PDGFD: variants seen among roughly 807,000 people sequenced by gnomAD.
PDGFD encodes the protein platelet-derived growth factor D.
PDGFD carries 30 observed loss-of-function variants against 44.7 expected under a neutral mutation model. The observed-to-expected ratio is 0.67, with a 90% CI of 0.50 to 0.91. PDGFD has a LOEUF of 0.91. Ranked by LOEUF, PDGFD falls within the 40% of genes least tolerant of loss-of-function variation. PDGFD has a pLI of 0.00. For missense variants in PDGFD, 445 were observed against 457.8 expected (o/e 0.97, Z 0.25); for synonymous variants, 173 against 168.4 (o/e 1.03, Z -0.21).
At chr11:103,937,827 G>C (rs567775194) in intron 5 of PDGFD, among the ~76,000 whole-genome samples, 2 of 151,180 alleles carry the variant, frequency 1.3e-5, no homozygotes, top group South Asian at 4.2e-4. Context: ...CCTTGTGATA[G>C]TTTGCTGAGA....
chr11:104,056,615 G>A (rs1465016674), intron 1 of PDGFD, among the ~76,000 whole-genome samples: 1 of 152,004 alleles, frequency 6.6e-6, no homozygotes, highest in Non-Finnish European at 1.5e-5. Context: ...CTGGGAGAGA[G>A]GCAAGGAACA....
At chr11:104,020,830 T>C (rs1423555622) in intron 1 of PDGFD, among the ~76,000 whole-genome samples, 1 of 152,156 alleles carries the variant, frequency 6.6e-6, no homozygotes, top group East Asian at 1.9e-4. Flanking sequence ...ATTCATTATG[T>C]TTTAACTTCA....
At chr11:103,999,359 A>G (rs550843440) in intron 2 of PDGFD, among the ~76,000 whole-genome samples, 6 of 152,362 alleles carry the variant, frequency 3.9e-5, no homozygotes, top group Admixed American at 1.3e-4. Context: ...TAATTAAGCG[A>G]GTAAAATGCT....
chr11:103,943,938 A>G (rs1347620162), intron 4 of PDGFD, among the ~76,000 whole-genome samples: 1 of 152,152 alleles, frequency 6.6e-6, no homozygotes, highest in Non-Finnish European at 1.5e-5. Flanking sequence ...CGAGATAGAA[A>G]TATATAAAAT....
intron 1 of PDGFD, among the ~76,000 whole-genome samples, chr11:104,161,030 C>T (rs931639951): frequency 6.6e-6 from 1 of 152,136 alleles, no homozygotes; most frequent in African/African-American, 2.4e-5. Flanking sequence ...AACAGGACAC[C>T]CGGCTTTTTT....
chr11:104,032,834 G>A (rs1317527025), intron 1 of PDGFD, among the ~76,000 whole-genome samples: 1 of 151,804 alleles, frequency 6.6e-6, no homozygotes, highest in East Asian at 1.9e-4. Flanking sequence ...TGGAGACTCT[G>A]CAGGAATCTC....
rs1555055570 is a variant in PDGFD, at chr11:104,119,535, T to TTCATA, written c.124+44268_124+44269insTATGA. On this transcript the variant is annotated intron_variant, in intron 1 of 6. Coordinates refer to ENST00000393158, the MANE Select transcript of PDGFD (RefSeq NM_025208.5). ...ATATTAATATAATATATTGATATAA[T>TTCATA]ATATAATATAATATATTGATATAAT... is the stretch of plus-strand genomic sequence containing the variant. Among the ~76,000 whole-genome samples the TTCATA allele has an allele frequency of 5.5e-5, 3 of 54,272 alleles. 1 individual carries two copies. Among genetic ancestry groups the TTCATA allele is most frequent in the African/African-American group, 2.6e-4 (3 of 11,446 alleles). 35.6% of individuals were successfully genotyped at this position (54,272 alleles called of 152,430 possible). A position where few individuals can be genotyped will look rare whatever the true frequency, so the allele number is the denominator to read the frequency against.
chr11:103,935,726 T>C (rs758661956), intron 5 of PDGFD, among the ~76,000 whole-genome samples: 2 of 152,026 alleles, frequency 1.3e-5, no homozygotes, highest in Non-Finnish European at 2.9e-5. Flanking sequence ...CTGTGCAGAG[T>C]TTTGCAAGCA....
chr11:103,914,183 G>A (rs768649676), intron 6 of PDGFD, among the ~76,000 whole-genome samples: 1 of 152,186 alleles, frequency 6.6e-6, no homozygotes, highest in Non-Finnish European at 1.5e-5. Context: ...GGCTCTAGAT[G>A]TCCCAGTAGA....
chr11:104,139,483 G>A (rs1302016337), intron 1 of PDGFD, among the ~76,000 whole-genome samples: 1 of 152,134 alleles, frequency 6.6e-6, no homozygotes, highest in Non-Finnish European at 1.5e-5. Flanking sequence ...GATCCAAACT[G>A]AACTAGAAAT....
chr11:104,073,869 G>A (rs146664289), intron 1 of PDGFD, among the ~76,000 whole-genome samples: 1,889 of 152,280 alleles, frequency 0.012, 19 homozygotes, highest in Non-Finnish European at 0.02. Flanking sequence ...CTTTGCAAAC[G>A]AGTTATTTTT....
At position 104,000,251 on chromosome 11, in the gene PDGFD, G is replaced by A. The variant is rs761096151; in HGVS notation, c.129C>T (p.Ser43=). The change falls in exon 2 of 7, where the codon AGC becomes AGT. Residue 43 remains serine, a synonymous_variant. Transcript: ENST00000393158. ...LRNANLRRDE[S]NHLTDLYRRD... Reference sequence around the variant, plus strand: ...TTCGGTACAAGTCTGTGAGGTGATTGCTCTCTGTTAGTAGTCACAACTTGT... The same window carrying A: ...TTCGGTACAAGTCTGTGAGGTGATTACTCTCTGTTAGTAGTCACAACTTGT... 1 of 1,613,298 alleles carries A rather than the reference G, an allele frequency of 6.2e-7. No individual in the cohort carries two copies. Among genetic ancestry groups the A allele is most frequent in the Non-Finnish European group, 8.5e-7 (1 of 1,179,420 alleles).
chr11:103,955,030 G>T (rs1858817162), intron 3 of PDGFD, among the ~76,000 whole-genome samples: 1 of 149,658 alleles, frequency 6.7e-6, no homozygotes, highest in African/African-American at 2.4e-5. Context: ...CGGGCGTAGT[G>T]GCGGGCGCCT....
intron 6 of PDGFD, among the ~76,000 whole-genome samples, chr11:103,922,496 A>G (rs979771753): frequency 2.0e-5 from 3 of 152,140 alleles, no homozygotes; most frequent in Non-Finnish European, 2.9e-5. Context: ...GTAGCAAGTC[A>G]TAAGACCCTC....
intron 1 of PDGFD, among the ~76,000 whole-genome samples, chr11:104,049,222 A>G (rs560548965): frequency 8.5e-5 from 13 of 152,330 alleles, no homozygotes; most frequent in African/African-American, 3.1e-4. Flanking sequence ...AGTAGTTTAG[A>G]CAACAGGGTC....
chr11:104,138,255 T>A (rs1862038570), intron 1 of PDGFD, among the ~76,000 whole-genome samples: 1 of 152,178 alleles, frequency 6.6e-6, no homozygotes, highest in Non-Finnish European at 1.5e-5. Flanking sequence ...CATTCTAAAT[T>A]ATACATTAAT....
chr11:104,067,733 C>T (rs1405738979), intron 1 of PDGFD, among the ~76,000 whole-genome samples: 1 of 152,028 alleles, frequency 6.6e-6, no homozygotes, highest in East Asian at 1.9e-4. Context: ...CTCATGCCCA[C>T]GGTCTAATGA....
intron 1 of PDGFD, among the ~76,000 whole-genome samples, chr11:104,095,731 G>C (rs936320407): frequency 3.9e-5 from 6 of 152,154 alleles, no homozygotes; most frequent in African/African-American, 1.4e-4. Flanking sequence ...TATCATCTCT[G>C]TAATGAACAC....
At chr11:104,083,409 A>G (rs1342866692) in intron 1 of PDGFD, among the ~76,000 whole-genome samples, 2 of 152,216 alleles carry the variant, frequency 1.3e-5, no homozygotes, top group African/African-American at 4.8e-5. Flanking sequence ...TTCTGAGGAC[A>G]TCATAAGAAA....
Sources: allele counts gnomAD v4.1 joint callset (sites outside exome capture counted in the v4.1 genomes callset), GRCh38; gene constraint gnomAD v4.1.1; transcripts MANE v1.5; gene names NCBI Gene and HGNC (gene_info 2026-07-23, HGNC 2026-07-21).